The following UBN2 variants were observed in gnomAD, a reference collection of about 807,000 sequenced individuals.
The protein encoded by UBN2 is ubinuclein 2.
Under a neutral mutation model 120.2 loss-of-function variants are expected in UBN2, and 35 were observed. That is an observed-to-expected ratio of 0.29 (90% CI 0.22 to 0.39). The LOEUF is 0.39. Ranked by LOEUF, UBN2 falls within the 10% of genes least tolerant of loss-of-function variation. UBN2 has a pLI of 1.00. For synonymous variants in UBN2, 661 were observed against 648.7 expected (o/e 1.02, Z -0.29); for missense variants, 1,693 against 1,663.2 (o/e 1.02, Z -0.31).
chr7:139,324,555 CAAAAA>C, the UBN2 span, among the ~76,000 whole-genome samples: 2 of 68,910 alleles, frequency 2.9e-5, no homozygotes, highest in Non-Finnish European at 5.9e-5. Context: ...GACTCCATCT[CAAAAA>C]AAAAAAAAAA....
chr7:139,259,490 G>T, intron 5 of UBN2, 120 bp downstream of exon 5: 1 of 1,316,568 alleles, frequency 7.6e-7, no homozygotes, highest in Non-Finnish European at 1.0e-6. Context: ...GTACGTTATT[G>T]ACATATTAGT....
intron 15 of UBN2, among the ~76,000 whole-genome samples, chr7:139,287,942 C>T (rs1215566067): frequency 6.6e-6 from 1 of 152,140 alleles, no homozygotes; most frequent in Non-Finnish European, 1.5e-5. Flanking sequence ...ATGACAGGTC[C>T]TTTAACAAAT....
chr7:139,261,831 C>T (rs1796945005), intron 6 of UBN2, 90 bp downstream of exon 6: 1 of 1,312,264 alleles, frequency 7.6e-7, no homozygotes, highest in Non-Finnish European at 1.0e-6. Context: ...CCACATAACA[C>T]TGGTATAATT....
chr7:139,266,287 A>C (rs370862593), intron 6 of UBN2, 46 bp from the exon 7 acceptor site: 4 of 1,165,254 alleles, frequency 3.4e-6, no homozygotes, highest in Middle Eastern at 2.0e-4. Flanking sequence ...TGCAAAATAG[A>C]GTAATGGCCT....
At chr7:139,291,238 G>A (rs1326254111) in intron 15 of UBN2, among the ~76,000 whole-genome samples, 1 of 151,536 alleles carries the variant, frequency 6.6e-6, no homozygotes, top group Non-Finnish European at 1.5e-5. Flanking sequence ...GTGCACACCT[G>A]TAGTCCCAGC....
intron 15 of UBN2, among the ~76,000 whole-genome samples, chr7:139,292,121 G>T (rs764989471): frequency 6.6e-6 from 1 of 151,440 alleles, no homozygotes; most frequent in Non-Finnish European, 1.5e-5. Context: ...GGGTATAGTG[G>T]CATGTGCCTG....
intron 5 of UBN2, among the ~76,000 whole-genome samples, chr7:139,260,726 T>G (rs1212105391): frequency 1.3e-5 from 2 of 152,240 alleles, no homozygotes; most frequent in African/African-American, 2.4e-5. Flanking sequence ...ATGGTTGTCT[T>G]AAATCTTCAT....
At position 139,293,226 on chromosome 7, in the gene UBN2, GCA is replaced by G. The variant is rs2131064371; in HGVS notation, c.3670-3_3670-2del. ...TTATGTATTTTGACCCCTGGTTTCT[GCA>G]CAGTCCACAGCAGGAGCATCATTAT... On this transcript the variant is annotated splice_region_variant and splice_polypyrimidine_tract_variant and intron_variant, in intron 15 of 17. Coordinates refer to ENST00000473989, the MANE Select transcript of UBN2 (RefSeq NM_173569.4). 1 of 1,612,686 alleles carries G rather than the reference GCA, an allele frequency of 6.2e-7. No homozygotes were observed. Among genetic ancestry groups the G allele is most frequent in the East Asian group, 2.2e-5 (1 of 44,870 alleles).
chr7:139,279,508 T>A, intron 13 of UBN2, 148 bp downstream of exon 13: 1 of 601,326 alleles, frequency 1.7e-6, no homozygotes, highest in Non-Finnish European at 2.8e-6. Flanking sequence ...TTAGTACTTT[T>A]GTATTTGGGA....
intron 5 of UBN2, 73 bp downstream of exon 5, chr7:139,259,443 T>G: frequency 6.4e-7 from 1 of 1,560,342 alleles, no homozygotes; most frequent in Non-Finnish European, 8.7e-7. Flanking sequence ...AAGATATACT[T>G]ACCATTAACT....
At chr7:139,271,386 A>C (rs1012853848) in intron 8 of UBN2, among the ~76,000 whole-genome samples, 5 of 152,066 alleles carry the variant, frequency 3.3e-5, no homozygotes, top group African/African-American at 9.7e-5. Flanking sequence ...CAGGAGTTCG[A>C]GACCAGCCTG....
chr7:139,313,849 AT>A, the UBN2 span, among the ~76,000 whole-genome samples: 33,409 of 143,294 alleles, frequency 0.23, 4,090 homozygotes, highest in Admixed American at 0.35. Context: ...CAATGACAGA[AT>A]TTTTTTTTTT....
At chr7:139,277,945 T>C (rs1797493242) in intron 12 of UBN2, among the ~76,000 whole-genome samples, 1 of 152,180 alleles carries the variant, frequency 6.6e-6, no homozygotes, top group African/African-American at 2.4e-5. Flanking sequence ...TTTAACAGTA[T>C]ACTATAATAA....
chr7:139,321,256 C>T, the UBN2 span, among the ~76,000 whole-genome samples: 2 of 152,092 alleles, frequency 1.3e-5, no homozygotes, highest in Non-Finnish European at 2.9e-5. Flanking sequence ...CTGGCCGTGG[C>T]GGAATGTGAG....
In UBN2 at chr7:139,304,871, CA is replaced by C. The variant is rs1202060354; in HGVS notation, c.*7038del. 1 of 151,478 alleles carries C rather than the reference CA, an allele frequency of 6.6e-6. No individual in the cohort carries two copies. Among genetic ancestry groups the C allele is most frequent in the East Asian group, 1.9e-4 (1 of 5,160 alleles). The allele number at this position is 151,478 out of a possible 1,614,324, so 9.4% of individuals were successfully genotyped here. ...CCCTGTCTTTTCCATTCTCAGATAA[CA>C]AATGTTAAGACCCAAAGAAATAAGG... On this transcript the variant is annotated 3_prime_UTR_variant, in exon 18 of 18. Coordinates refer to ENST00000473989, the MANE Select transcript of UBN2 (RefSeq NM_173569.4).
Position 139,258,601 on chromosome 7 carries a change from C to T in UBN2, c.777C>T (p.Asp259=). ...ATACTGAAGAAGATGATATTACAGACAACCAAAAGCACAAGCCACCCAAGG... is the reference window on the plus strand; with the variant it reads ...ATACTGAAGAAGATGATATTACAGATAACCAAAAGCACAAGCCACCCAAGG... ...ASDTEEDDIT[D]NQKHKPPKVP... The change falls in exon 4 of 18, where the codon GAC becomes GAT. Residue 259 remains aspartate (D), a synonymous_variant. Transcript: ENST00000473989. 2.5e-6 allele frequency: 4 copies of T among 1,600,706 alleles called. No individual in the cohort carries two copies. The highest frequency in any genetic ancestry group is 3.4e-6 in the Non-Finnish European group (4 of 1,172,336).
chr7:139,288,937 G>A (rs1054006358), intron 15 of UBN2, among the ~76,000 whole-genome samples: 4 of 150,870 alleles, frequency 2.7e-5, no homozygotes, highest in East Asian at 1.9e-4. Flanking sequence ...TGGAGTTGGA[G>A]GTTGCAGTGA....
chr7:139,234,643 A>G (rs1796115625), intron 1 of UBN2, among the ~76,000 whole-genome samples: 1 of 152,210 alleles, frequency 6.6e-6, no homozygotes, highest in Non-Finnish European at 1.5e-5. Context: ...GTAATAGTGC[A>G]TTTTAGAAAT....
rs1260200185 is a variant in UBN2 at position 139,307,001 on chromosome 7, T to G, written c.*9165T>G. On this transcript the variant is annotated 3_prime_UTR_variant, in exon 18 of 18. Transcript: ENST00000473989. ...TTTTTAGTCTGGGTAAACACATACT[T>G]CGGTGTGAATTTTGATAAGGGAAAG... 6.6e-6 allele frequency: 1 copy of G among 152,210 alleles called. No individual in the cohort carries two copies. Among genetic ancestry groups the G allele is most frequent in the Admixed American group, 6.5e-5 (1 of 15,274 alleles). The allele number at this position is 152,210 out of a possible 1,614,324, so 9.4% of individuals were successfully genotyped here. A position where few individuals can be genotyped will look rare whatever the true frequency, so the allele number is the denominator to read the frequency against.
Sources: gnomAD v4.1 joint callset for allele counts (sites outside exome capture counted in the v4.1 genomes callset) on GRCh38, gnomAD v4.1.1 for gene constraint, MANE v1.5 for transcripts, NCBI Gene and HGNC (gene_info 2026-07-23, HGNC 2026-07-21) for gene names.